CWF19L1: variants seen among roughly 807,000 people sequenced by gnomAD.
The protein encoded by CWF19L1 is CWF19 like cell cycle control factor 1, also known as CWF19-like protein 1.
Under a neutral mutation model 69.7 loss-of-function variants are expected in CWF19L1, and 60 were observed. That is an observed-to-expected ratio of 0.86 (90% CI 0.70 to 1.07). The LOEUF (loss-of-function observed/expected upper bound fraction) is 1.07. CWF19L1 is among the 50% of genes least tolerant of loss of function. CWF19L1 has a pLI of 0.00. For missense variants in CWF19L1, 591 were observed against 638.9 expected (o/e 0.92, Z 0.81); for synonymous variants, 209 against 222.2 (o/e 0.94, Z 0.53).
intron 13 of CWF19L1, chr10:100,233,588 TA>T: frequency 2.5e-6 from 1 of 398,642 alleles, no homozygotes; most frequent in African/African-American, 2.0e-5. Flanking sequence ...CTCCCTCTCT[TA>T]AAAAACTTGG....
chr10:100,236,280 T>A (rs1427507604), intron 12 of CWF19L1, among the ~76,000 whole-genome samples: 1 of 152,054 alleles, frequency 6.6e-6, no homozygotes, highest in Non-Finnish European at 1.5e-5. Context: ...CTTATTTTTT[T>A]ATTTTTTGTA....
At chr10:100,256,559 T>C (rs1847220591) in intron 4 of CWF19L1, 83 bp from the exon 5 acceptor site, 3 of 1,027,596 alleles carry the variant, frequency 2.9e-6, no homozygotes, top group African/African-American at 3.2e-5. Context: ...CTCCCATGAC[T>C]CTCCTATGTC....
intron 1 of CWF19L1, among the ~76,000 whole-genome samples, chr10:100,263,747 T>C (rs1303463032): frequency 6.6e-6 from 1 of 152,198 alleles, no homozygotes; most frequent in East Asian, 1.9e-4. Flanking sequence ...CAGCTCCTTT[T>C]CACTCACAAT....
In CWF19L1 at chr10:100,253,416, C is replaced by T. The variant is rs771431067; in HGVS notation, c.623+5G>A. On this transcript the variant is annotated splice_donor_5th_base_variant and intron_variant, in intron 6 of 13. Coordinates refer to ENST00000354105, the MANE Select transcript of CWF19L1 (RefSeq NM_018294.6). ...AAAAGCCAAGAAGAATGAAATGCTA[C>T]TCACCGATATGGAAGCCTCTCATAA... 5 of 1,512,282 alleles carry T rather than the reference C, an allele frequency of 3.3e-6. No homozygotes were observed. Among genetic ancestry groups the T allele is most frequent in the Non-Finnish European group, 4.6e-6 (5 of 1,088,788 alleles). 93.7% of individuals were successfully genotyped at this position (1,512,282 alleles called of 1,614,324 possible).
At chr10:100,266,858 GTTT>G (rs1847610626) in intron 1 of CWF19L1, among the ~76,000 whole-genome samples, 1 of 142,904 alleles carries the variant, frequency 7.0e-6, no homozygotes, top group African/African-American at 2.6e-5. Flanking sequence ...GTTTTGTTTT[GTTT>G]TGTTTTGAGA....
intron 1 of CWF19L1, chr10:100,267,350 C>A: frequency 1.1e-6 from 1 of 885,028 alleles, no homozygotes; most frequent in South Asian, 5.1e-5. Context: ...TTCCGCCTCT[C>A]CGAACGAGCG....
intron 1 of CWF19L1, among the ~76,000 whole-genome samples, chr10:100,264,595 C>G (rs11190444): frequency 6.9e-6 from 1 of 145,616 alleles, no homozygotes; most frequent in African/African-American, 2.6e-5. Context: ...GTTTAGAGTA[C>G]ACTCCTACGT....
chr10:100,261,140 A>G (rs1165028472), intron 2 of CWF19L1, 96 bp from the exon 3 acceptor site: 5 of 795,076 alleles, frequency 6.3e-6, no homozygotes, highest in African/African-American at 5.3e-5. Context: ...ATAGTTTCAA[A>G]TCAGTTTTTA....
At chr10:100,258,921 A>G (rs1564861457) in intron 4 of CWF19L1, among the ~76,000 whole-genome samples, 2 of 151,106 alleles carry the variant, frequency 1.3e-5, no homozygotes, top group African/African-American at 2.4e-5. Flanking sequence ...AAAAAAAAAA[A>G]GCCGAGCACA....
chr10:100,267,147 CA>C (rs56827592), intron 1 of CWF19L1, among the ~76,000 whole-genome samples: 7,967 of 30,688 alleles, frequency 0.26, 335 homozygotes, highest in East Asian at 0.42. Context: ...CTCCTCCTCG[CA>C]AAAAAAAAAA....
intron 4 of CWF19L1, among the ~76,000 whole-genome samples, chr10:100,258,332 C>T (rs7924284): frequency 0.21 from 32,190 of 152,112 alleles, 6,331 homozygotes; most frequent in African/African-American, 0.52. Context: ...ACCAAGTTCA[C>T]TGCTTGATCC....
chr10:100,248,544 G>C (rs1192807031), intron 7 of CWF19L1: 3 of 716,544 alleles, frequency 4.2e-6, no homozygotes, highest in African/African-American at 1.7e-5. Context: ...GGTGCACATG[G>C]GGGCCTGTCG....
intron 7 of CWF19L1, among the ~76,000 whole-genome samples, chr10:100,247,811 G>A (rs574776907): frequency 1.3e-5 from 2 of 152,104 alleles, no homozygotes; most frequent in African/African-American, 2.4e-5. Flanking sequence ...CAGGAGAATC[G>A]CTTGAACATG....
intron 1 of CWF19L1, among the ~76,000 whole-genome samples, chr10:100,263,019 C>T (rs528241649): frequency 6.6e-6 from 1 of 152,078 alleles, no homozygotes; most frequent in South Asian, 2.1e-4. Context: ...AACCTCCACT[C>T]CACTCCACCC....
At chr10:100,251,787 A>T (rs1362072641) in intron 6 of CWF19L1, among the ~76,000 whole-genome samples, 1 of 152,172 alleles carries the variant, frequency 6.6e-6, no homozygotes, top group East Asian at 1.9e-4. Context: ...CTGGGATTAC[A>T]GGCGTGAGCC....
At chr10:100,248,178 G>A in intron 7 of CWF19L1, 1 of 633,170 alleles carries the variant, frequency 1.6e-6, no homozygotes, top group Non-Finnish European at 2.9e-6. Flanking sequence ...CTAAGAATTG[G>A]GCAAAAAAGC....
chr10:100,241,000 CTTTTTT>C (rs56262807), intron 10 of CWF19L1, among the ~76,000 whole-genome samples: 9 of 70,626 alleles, frequency 1.3e-4, no homozygotes, highest in African/African-American at 1.9e-4. Context: ...CTAATTAAGC[CTTTTTT>C]TTTTTTTTTT....
At chr10:100,262,232 C>T in intron 1 of CWF19L1, 169 bp from the exon 2 acceptor site, 1 of 985,414 alleles carries the variant, frequency 1.0e-6, no homozygotes. Context: ...GAGGGTCTCA[C>T]CAACACCTCC....
intron 4 of CWF19L1, among the ~76,000 whole-genome samples, chr10:100,257,009 A>C (rs1007972924): frequency 2.0e-5 from 3 of 152,206 alleles, no homozygotes; most frequent in African/African-American, 7.2e-5. Context: ...GAAGGAAAAC[A>C]TTTGGAAAGA....
Sources: gnomAD v4.1 joint callset for allele counts (sites outside exome capture counted in the v4.1 genomes callset) on GRCh38, gnomAD v4.1.1 for gene constraint, MANE v1.5 for transcripts, NCBI Gene and HGNC (gene_info 2026-07-23, HGNC 2026-07-21) for gene names.